The following BORCS8 variants were observed in gnomAD, a reference collection of about 807,000 sequenced individuals.
BORCS8 encodes the protein BLOC-1 related complex subunit 8.
A neutral mutation model predicts 18.7 loss-of-function variants in BORCS8; 13 were observed. The observed-to-expected ratio is 0.70, with a 90% confidence interval of 0.45 to 1.11. The LOEUF is 1.11. BORCS8 is among the 50% of genes least tolerant of loss of function. BORCS8 has a pLI of 0.00. For synonymous variants in BORCS8, 68 were observed against 64.8 expected, an observed-to-expected ratio of 1.05 and a Z score of -0.24; for missense variants, 165 against 165.7, an observed-to-expected ratio of 1.00 and a Z score of 0.02.
chr19:19,185,591 CGGG>C (rs2060399232), intron 3 of BORCS8, among the ~76,000 whole-genome samples: 1 of 152,186 alleles, frequency 6.6e-6, no homozygotes. Flanking sequence ...GAGGCTGAAG[CGGG>C]AGAACTGCTT....
In BORCS8 at chr19:19,182,375, C is replaced by A; in HGVS notation, c.326+198G>T. The A allele has an allele frequency of 7.3e-7, 1 of 1,360,962 alleles. No homozygotes were observed. The highest frequency in any genetic ancestry group is 9.5e-7 in the Non-Finnish European group (1 of 1,049,058). The allele number at this position is 1,360,962 out of a possible 1,614,324, so 84.3% of individuals were successfully genotyped here. A position where few individuals can be genotyped will look rare whatever the true frequency, so the allele number is the denominator to read the frequency against. ...AGTGCCCAGCCCAGGGCCAGGCACA[C>A]AGCAGAGCGCAGGACCTCGGTATTA... On this transcript the variant is annotated intron_variant, in intron 4 of 5. Coordinates refer to ENST00000462790, the MANE Select transcript of BORCS8 (RefSeq NM_001145784.2). The surrounding 1 kb of genome is among the most constrained non-coding windows in gnomAD (Gnocchi z 4.1).
intron 1 of BORCS8, among the ~76,000 whole-genome samples, chr19:19,191,092 C>T (rs2060467547): frequency 6.6e-6 from 1 of 152,070 alleles, no homozygotes; most frequent in Admixed American, 6.6e-5. Context: ...GTGGTTCACA[C>T]CTGTAATCCC....
Position 19,186,015 on chromosome 19 carries a change from G to A in BORCS8, c.215+19C>T, listed in dbSNP as rs1345361671. On this transcript the variant is annotated intron_variant, in intron 3 of 5. Coordinates refer to ENST00000462790, the MANE Select transcript of BORCS8 (RefSeq NM_001145784.2). ...AGCAGCAAAAGGTGGCCCTGCAGCG[G>A]GGAGGCTGTGGCGCTCACCTGCAGG... The A allele has an allele frequency of 1.9e-6, 3 of 1,549,510 alleles. No individual in the cohort carries two copies. The African/African-American group carries it at 4.1e-5, about 21-fold the overall frequency.
At position 19,180,744 on chromosome 19, in the gene BORCS8, G is replaced by A. The variant is rs138020983; in HGVS notation, c.344C>T (p.Pro115Leu). The change falls in exon 5 of 6, where the codon CCG (proline) becomes CTG (leucine). Residue 115 changes from proline to leucine, a missense_variant. Coordinates refer to ENST00000462790, the MANE Select transcript of BORCS8 (RefSeq NM_001145784.2). ...AQGHSPEEPPPPSSA is the reference protein window; with the variant it reads ...AQGHSPEEPPLPSSA ...CTTCCAGGATCAGGCTGAGGAGGGC[G>A]GGGGTGGTTCCTCCGGGCTGCAACA... 2.3e-4 allele frequency: 364 copies of A among 1,549,680 alleles called. 6 individuals carry two copies. The East Asian group carries it at 6.5e-3, about 28-fold the overall frequency.
chr19:19,188,230 C>T (rs1443057590), intron 1 of BORCS8, among the ~76,000 whole-genome samples: 1 of 151,778 alleles, frequency 6.6e-6, no homozygotes, highest in Non-Finnish European at 1.5e-5. Flanking sequence ...CGGGGTTTCA[C>T]TGTGTTACCA....
intron 1 of BORCS8, among the ~76,000 whole-genome samples, chr19:19,187,543 CTT>C (rs906880296): frequency 9.3e-5 from 13 of 140,490 alleles, no homozygotes; most frequent in Admixed American, 2.1e-4. Flanking sequence ...GAGTAAACTT[CTT>C]TTTTTTTTTT....
In BORCS8 at chr19:19,186,904, C is replaced by T; in HGVS notation, c.139G>A (p.Ala47Thr). 1 of 1,548,204 alleles carries T rather than the reference C, an allele frequency of 6.5e-7. No individual in the cohort carries two copies. Among genetic ancestry groups the T allele is most frequent in the Non-Finnish European group, 8.7e-7 (1 of 1,145,696 alleles). ...AGGCCCCAGCTCACCTTGTGCTGGG[C>T]CAGCTCGGGGAGGGAGCGACGCACA... ...EHVRRSLPEL[A>T]QHKADMQRWE... Residue 47 changes from alanine to threonine, a missense_variant, in exon 2 of 6, where the codon GCC becomes ACC. Ala to Thr is a moderately conservative substitution (Grantham distance 58, BLOSUM62 0). Coordinates refer to ENST00000462790, the MANE Select transcript of BORCS8 (RefSeq NM_001145784.2).
intron 1 of BORCS8, among the ~76,000 whole-genome samples, chr19:19,190,565 G>C (rs2060457461): frequency 6.6e-6 from 1 of 152,222 alleles, no homozygotes; most frequent in Non-Finnish European, 1.5e-5. Flanking sequence ...GAAGCGGGAG[G>C]ATCACCTGAG....
chr19:19,180,909 AGTG>A, intron 4 of BORCS8, 148 bp from the exon 5 acceptor site: 1 of 843,026 alleles, frequency 1.2e-6, no homozygotes, highest in South Asian at 1.8e-5. Context: ...AAGTGGGATG[AGTG>A]GGCCAGGAAC....
chr19:19,184,900 G>C (rs1477011426), intron 3 of BORCS8, among the ~76,000 whole-genome samples: 1 of 151,930 alleles, frequency 6.6e-6, no homozygotes, highest in South Asian at 2.1e-4. Flanking sequence ...GCACCCGGCC[G>C]TATTTCTTTC....
chr19:19,185,123 A>T (rs1005541188), intron 3 of BORCS8, among the ~76,000 whole-genome samples: 2 of 152,252 alleles, frequency 1.3e-5, no homozygotes, highest in African/African-American at 4.8e-5. Flanking sequence ...CAAGGCTGCC[A>T]ATGGCAGAAT....
At chr19:19,183,607 G>A (rs894643817) in intron 3 of BORCS8, among the ~76,000 whole-genome samples, 19 of 149,772 alleles carry the variant, frequency 1.3e-4, no homozygotes, top group Non-Finnish European at 5.9e-5. Context: ...TTTTTGAGAC[G>A]GAATTTCGCT....
intron 2 of BORCS8, 73 bp downstream of exon 2, chr19:19,186,820 G>C: frequency 8.9e-7 from 1 of 1,122,238 alleles, no homozygotes; most frequent in Non-Finnish European, 1.2e-6. Flanking sequence ...GCCACCACAT[G>C]CCTCCTTGCT....
At chr19:19,181,352 T>G (rs1195010942) in intron 4 of BORCS8, among the ~76,000 whole-genome samples, 1 of 152,114 alleles carries the variant, frequency 6.6e-6, no homozygotes, top group African/African-American at 2.4e-5. Context: ...GAAATATATA[T>G]GTATGTTTTT....
intron 1 of BORCS8, 26 bp downstream of exon 1, chr19:19,192,055 C>T (rs2060490487): frequency 6.4e-7 from 1 of 1,551,362 alleles, no homozygotes; most frequent in Non-Finnish European, 8.7e-7. Flanking sequence ...CCGGCCCCCT[C>T]TGTCCCGCCC....
At chr19:19,191,980 C>CA in intron 1 of BORCS8, 101 bp downstream of exon 1, 1 of 1,403,436 alleles carries the variant, frequency 7.1e-7, no homozygotes, top group South Asian at 1.2e-5. Context: ...GACGGCAGTT[C>CA]AATCACTGCT....
chr19:19,182,450 G>T lies in BORCS8; in HGVS notation c.326+123C>A. ...GCCACAGGACAAGAGGAGGTCACCA[G>T]ACACCAGGACAAAAGGAAAGAGACA... On this transcript the variant is annotated intron_variant, in intron 4 of 5. Coordinates refer to ENST00000462790, the MANE Select transcript of BORCS8 (RefSeq NM_001145784.2). The surrounding 1 kb of genome is among the most constrained non-coding windows in gnomAD (Gnocchi z 4.1). The T allele has an allele frequency of 1.4e-6, 2 of 1,447,986 alleles. No homozygotes were observed. Among genetic ancestry groups the T allele is most frequent in the Non-Finnish European group, 9.1e-7 (1 of 1,101,338 alleles). The allele number at this position is 1,447,986 out of a possible 1,614,324, so 89.7% of individuals were successfully genotyped here.
intron 3 of BORCS8, 75 bp downstream of exon 3, chr19:19,185,959 C>T (rs770166821): frequency 1.4e-5 from 20 of 1,454,312 alleles, no homozygotes; most frequent in Non-Finnish European, 1.9e-5. Context: ...GGGCAGTTGG[C>T]TGGGATGCCC....
intron 3 of BORCS8, among the ~76,000 whole-genome samples, chr19:19,183,335 G>A (rs2060369216): frequency 6.6e-6 from 1 of 151,738 alleles, no homozygotes; most frequent in Non-Finnish European, 1.5e-5. Context: ...GCATGAACCT[G>A]GGAGGCAGAG....
Sources: allele counts gnomAD v4.1 joint callset (sites outside exome capture counted in the v4.1 genomes callset), GRCh38; gene constraint gnomAD v4.1.1; non-coding constraint Gnocchi (gnomAD v3.1); transcripts MANE v1.5; gene names NCBI Gene and HGNC (gene_info 2026-07-23, HGNC 2026-07-21).